Variants in KCNT2 observed in about 807,000 individuals in gnomAD.
KCNT2 encodes potassium sodium-activated channel subfamily T member 2, also known as potassium channel subfamily T member 2.
A neutral mutation model predicts 153.8 loss-of-function variants in KCNT2; 67 were observed. The ratio of observed to expected loss-of-function variants is 0.44; its 90% CI spans 0.36 to 0.53. The LOEUF (loss-of-function observed/expected upper bound fraction) is 0.53. KCNT2 is among the 20% of genes least tolerant of loss of function. The pLI, the probability that KCNT2 is intolerant of heterozygous loss-of-function variation, is 0.00. For missense variants in KCNT2, 975 were observed against 1,354.8 expected, an observed-to-expected ratio of 0.72 and a Z score of 4.40; for synonymous variants, 500 against 458.8, an observed-to-expected ratio of 1.09 and a Z score of -1.15.
chr1:196,271,993 C>A (rs963030037), intron 25 of KCNT2, among the ~76,000 whole-genome samples: 10 of 151,916 alleles, frequency 6.6e-5, no homozygotes, highest in Non-Finnish European at 1.2e-4. Flanking sequence ...TAACACTGAA[C>A]AACTCACTCC....
intron 13 of KCNT2, among the ~76,000 whole-genome samples, chr1:196,380,447 G>T (rs1669379990): frequency 6.6e-6 from 1 of 152,072 alleles, no homozygotes; most frequent in Non-Finnish European, 1.5e-5. Context: ...TTTCTTAAAG[G>T]TCTACATCAC....
chr1:196,239,305 ATTATT>A (rs1410468449), intron 26 of KCNT2, among the ~76,000 whole-genome samples: 3 of 151,888 alleles, frequency 2.0e-5, no homozygotes, highest in Non-Finnish European at 4.4e-5. Context: ...CAGTGACATA[ATTATT>A]TTAATAAAAT....
intron 23 of KCNT2, among the ~76,000 whole-genome samples, chr1:196,285,071 G>T (rs1429313529): frequency 6.6e-6 from 1 of 152,140 alleles, no homozygotes; most frequent in Non-Finnish European, 1.5e-5. Flanking sequence ...AGACAAAAAC[G>T]ATGATATTAG....
chr1:196,268,788 G>A (rs755957836), intron 25 of KCNT2, among the ~76,000 whole-genome samples: 14 of 151,646 alleles, frequency 9.2e-5, no homozygotes, highest in Non-Finnish European at 1.8e-4. Context: ...ACCTACTTAG[G>A]AGCCCATCTT....
At chr1:196,327,225 T>A (rs1011649356) in intron 18 of KCNT2, among the ~76,000 whole-genome samples, 29 of 151,998 alleles carry the variant, frequency 1.9e-4, no homozygotes, top group African/African-American at 7.0e-4. Context: ...TGACTTTCAT[T>A]TCCAGAAATA....
chr1:196,321,328 GA>G (rs1441559511), intron 19 of KCNT2, among the ~76,000 whole-genome samples: 2 of 151,876 alleles, frequency 1.3e-5, no homozygotes, highest in African/African-American at 4.8e-5. Context: ...GCGGTGATCT[GA>G]AAAATCCCTT....
At chr1:196,296,819 T>G (rs1660712872) in intron 22 of KCNT2, among the ~76,000 whole-genome samples, 1 of 152,092 alleles carries the variant, frequency 6.6e-6, no homozygotes, top group African/African-American at 2.4e-5. Context: ...GCTGAATAAA[T>G]GTACTGTACT....
chr1:196,481,592 T>C (rs1679026147), intron 4 of KCNT2, among the ~76,000 whole-genome samples: 1 of 152,178 alleles, frequency 6.6e-6, no homozygotes, highest in Non-Finnish European at 1.5e-5. Context: ...ATTCTATTCT[T>C]CCGATTAATT....
chr1:196,428,111 C>T lies in KCNT2; in HGVS notation c.978G>A (p.Arg326=). The change falls in exon 10 of 28, where the codon AGG becomes AGA. Residue 326 remains arginine (R), a synonymous_variant. Coordinates refer to ENST00000294725, the MANE Select transcript of KCNT2 (RefSeq NM_198503.5). ...TAATATAAGCCAAATGTACCTGGAGCCTAGGATGAGCATAGAATTCATTTA... is the reference window on the plus strand; with the variant it reads ...TAATATAAGCCAAATGTACCTGGAGTCTAGGATGAGCATAGAATTCATTTA... ...DFLNEFYAHP[R]LQDYYVVILC... 6.2e-7 allele frequency: 1 copy of T among 1,611,460 alleles called. No individual in the cohort carries two copies. Among genetic ancestry groups the T allele is most frequent in the East Asian group, 2.2e-5 (1 of 44,650 alleles).
At chr1:196,558,767 T>C (rs550876397) in intron 1 of KCNT2, among the ~76,000 whole-genome samples, 20 of 151,690 alleles carry the variant, frequency 1.3e-4, no homozygotes, top group African/African-American at 4.6e-4. Context: ...AAAATATTTC[T>C]TATTGTTTTG....
intron 14 of KCNT2, among the ~76,000 whole-genome samples, chr1:196,354,715 AAGGT>A (rs1056470631): frequency 6.6e-6 from 1 of 151,734 alleles, no homozygotes; most frequent in African/African-American, 2.4e-5. Flanking sequence ...GGAGATTTTA[AAGGT>A]CTAAAATAAG....
chr1:196,579,112 C>T (rs1291492836), intron 1 of KCNT2, among the ~76,000 whole-genome samples: 1 of 152,096 alleles, frequency 6.6e-6, no homozygotes, highest in Non-Finnish European at 1.5e-5. Context: ...CGTGGTACTG[C>T]ACAACGTATG....
intron 17 of KCNT2, among the ~76,000 whole-genome samples, chr1:196,332,574 T>C (rs950801726): frequency 6.6e-6 from 1 of 152,144 alleles, no homozygotes; most frequent in African/African-American, 2.4e-5. Flanking sequence ...TTACATTTTA[T>C]GAAAGACACT....
At chr1:196,249,436 T>G (rs1156513769) in intron 26 of KCNT2, among the ~76,000 whole-genome samples, 1 of 152,152 alleles carries the variant, frequency 6.6e-6, no homozygotes, top group Non-Finnish European at 1.5e-5. Flanking sequence ...GTATTAGAAC[T>G]GATAAACAAA....
chr1:196,369,719 C>T (rs1668355128), intron 14 of KCNT2, among the ~76,000 whole-genome samples: 1 of 152,100 alleles, frequency 6.6e-6, no homozygotes, highest in Non-Finnish European at 1.5e-5. Flanking sequence ...TTAATCCAGT[C>T]TATCATTGTT....
In KCNT2 at chr1:196,292,971, T is replaced by C. The variant is rs372398060; in HGVS notation, c.2596-7213A>G. ...AACACATAAAAGTCAACAGTGTTTC[T>C]TTACCCTAAAAACAAACTACCTGAA... On this transcript the variant is annotated intron_variant, in intron 22 of 27. Transcript: ENST00000294725. 2.0e-5 allele frequency among the ~76,000 whole-genome samples: 3 copies of C among 151,998 alleles called. No homozygotes were observed. The East Asian group carries it at 5.8e-4, about 29-fold the overall frequency.
intron 8 of KCNT2, among the ~76,000 whole-genome samples, chr1:196,462,927 T>G (rs1204187459): frequency 1.3e-5 from 2 of 151,490 alleles, no homozygotes; most frequent in Non-Finnish European, 3.0e-5. Flanking sequence ...GCAGGCCCCC[T>G]TTCAGCCATG....
intron 1 of KCNT2, among the ~76,000 whole-genome samples, chr1:196,567,590 G>T (rs1286189077): frequency 2.0e-5 from 3 of 152,158 alleles, no homozygotes; most frequent in Non-Finnish European, 4.4e-5. Flanking sequence ...TCTTACTTTT[G>T]TCATGAGCAA....
Position 196,597,998 on chromosome 1 carries a change from G to C in KCNT2, c.95+10217C>G, listed in dbSNP as rs557606829. The stretch of plus-strand genomic sequence containing the variant: ...TTTCACTCTAGTACAAATACTTCAG[G>C]AGATAGAAGCATAAATAGGAAATCT... On this transcript the variant is annotated intron_variant, in intron 1 of 27. Coordinates refer to ENST00000294725, the MANE Select transcript of KCNT2 (RefSeq NM_198503.5). Among the ~76,000 whole-genome samples the C allele has an allele frequency of 7.2e-5, 11 of 152,110 alleles. No individual in the cohort carries two copies. In the Middle Eastern group the frequency reaches 0.01, roughly 141 times the overall value.
Sources: allele counts gnomAD v4.1 joint callset (sites outside exome capture counted in the v4.1 genomes callset), GRCh38; gene constraint gnomAD v4.1.1; transcripts MANE v1.5; gene names NCBI Gene and HGNC (gene_info 2026-07-23, HGNC 2026-07-21).